Variants in LRRK1 observed in about 807,000 individuals in gnomAD.
LRRK1 encodes leucine rich repeat kinase 1.
Under a neutral mutation model 209.1 loss-of-function variants are expected in LRRK1, and 113 were observed. The ratio of observed to expected loss-of-function variants is 0.54; its 90% CI spans 0.46 to 0.63. LRRK1 has a LOEUF of 0.63. LRRK1 is among the 30% of genes least tolerant of loss of function. LRRK1 has a pLI of 0.00. For missense variants in LRRK1, 2,284 were observed against 2,632.2 expected (o/e 0.87, Z 2.89); for synonymous variants, 1,144 against 1,099.7 (o/e 1.04, Z -0.80).
At chr15:101,004,367 C>A (rs370477004) in intron 6 of LRRK1, among the ~76,000 whole-genome samples, 22 of 152,014 alleles carry the variant, frequency 1.4e-4, no homozygotes, top group African/African-American at 3.9e-4. Context: ...AAAGGTCTTG[C>A]GCAGACTTTG....
rs1183912665 is a variant in LRRK1, at chr15:101,058,159, G to C, written c.4679+18G>C. On this transcript the variant is annotated intron_variant, in intron 29 of 33. Transcript: ENST00000388948. ...GAGTCCAGGTAAGCTCCTGCGGGCT[G>C]CCCTGCCCCCTTTGTATTTGGGGTG... 1 of 1,611,686 alleles carries C rather than the reference G, an allele frequency of 6.2e-7. No individual in the cohort carries two copies. Among genetic ancestry groups the C allele is most frequent in the Non-Finnish European group, 8.5e-7 (1 of 1,178,826 alleles).
chr15:100,926,197 T>C (rs1451234001), intron 2 of LRRK1, among the ~76,000 whole-genome samples: 1 of 152,238 alleles, frequency 6.6e-6, no homozygotes, highest in East Asian at 1.9e-4. Flanking sequence ...TTTCTTTTTC[T>C]TTGTATTAGA....
intron 22 of LRRK1, among the ~76,000 whole-genome samples, chr15:101,049,058 C>T (rs754770263): frequency 6.6e-6 from 1 of 152,172 alleles, no homozygotes; most frequent in Admixed American, 6.5e-5. Flanking sequence ...GACTCCTCAG[C>T]CCCCATCTCC....
At chr15:100,993,404 A>G (rs2032254936) in intron 6 of LRRK1, among the ~76,000 whole-genome samples, 2 of 152,134 alleles carry the variant, frequency 1.3e-5, no homozygotes, top group Non-Finnish European at 2.9e-5. Context: ...ACATATATTT[A>G]TTTCCCACTT....
chr15:100,980,250 G>A (rs767736776), intron 3 of LRRK1, among the ~76,000 whole-genome samples: 7 of 151,200 alleles, frequency 4.6e-5, no homozygotes, highest in East Asian at 1.9e-4. Context: ...CCTGAAACAC[G>A]CAGCAACTCA....
At chr15:100,941,817 T>C (rs1376745921) in intron 2 of LRRK1, among the ~76,000 whole-genome samples, 5 of 151,904 alleles carry the variant, frequency 3.3e-5, no homozygotes, top group African/African-American at 9.7e-5. Flanking sequence ...CCACATCGAG[T>C]GTAGACCCAT....
chr15:101,027,347 G>T lies in LRRK1; in HGVS notation c.2492G>T (p.Ser831Ile). The change falls in exon 18 of 34, where the codon AGC becomes ATC. Residue 831 changes from serine to isoleucine, a missense_variant. Physicochemically the swap from Ser to Ile is moderately radical, Grantham distance 142. Coordinates refer to ENST00000388948, the MANE Select transcript of LRRK1 (RefSeq NM_024652.6). The surrounding 1 kb of genome is among the most constrained non-coding windows in gnomAD (Gnocchi z 5.1). ...ACGTGCAGCATGAAGGACGTGGGCA[G>T]CACCATCGGCTGCCAGCGACTGGCA... is the stretch of plus-strand genomic sequence containing the variant. ...HVTCSMKDVG[S>I]TIGCQRLAGR... The T allele has an allele frequency of 1.2e-6, 2 of 1,613,954 alleles. No homozygotes were observed. The highest frequency in any genetic ancestry group is 1.7e-6 in the Non-Finnish European group (2 of 1,180,014).
At chr15:101,008,760 A>T (rs760713083) in intron 6 of LRRK1, 77 bp from the exon 7 acceptor site, 141 of 1,128,162 alleles carry the variant, frequency 1.2e-4, no homozygotes, top group Non-Finnish European at 1.8e-4. Context: ...ATTTGCATTA[A>T]CCCTTGCTTT....
intron 31 of LRRK1, chr15:101,064,461 T>A (rs1343554850): frequency 6.5e-6 from 1 of 152,886 alleles, no homozygotes; most frequent in African/African-American, 2.4e-5. Context: ...TGTTCCTGGC[T>A]CTGCCCTGGG....
chr15:101,057,132 C>A, intron 28 of LRRK1, 82 bp downstream of exon 28: 1 of 1,271,452 alleles, frequency 7.9e-7, no homozygotes, highest in Non-Finnish European at 1.1e-6. Context: ...GTGTGCCTGG[C>A]TGCCCAACCA....
At chr15:101,054,133 C>T (rs1005683233) in intron 26 of LRRK1, among the ~76,000 whole-genome samples, 3 of 152,182 alleles carry the variant, frequency 2.0e-5, no homozygotes, top group African/African-American at 7.2e-5. Context: ...CCACCACACC[C>T]AGCTAATTTG....
At chr15:101,017,469 G>A (rs1304241234) in intron 12 of LRRK1, among the ~76,000 whole-genome samples, 1 of 152,200 alleles carries the variant, frequency 6.6e-6, no homozygotes, top group Non-Finnish European at 1.5e-5. Flanking sequence ...AAGCGAACCG[G>A]TATTGGTCCC....
intron 26 of LRRK1, among the ~76,000 whole-genome samples, chr15:101,054,078 A>G (rs1255451282): frequency 2.0e-5 from 3 of 152,118 alleles, no homozygotes; most frequent in Non-Finnish European, 4.4e-5. Flanking sequence ...TCCTGAACTC[A>G]AGCCATCCTC....
At chr15:101,008,263 G>A (rs950959555) in intron 6 of LRRK1, among the ~76,000 whole-genome samples, 4 of 151,618 alleles carry the variant, frequency 2.6e-5, no homozygotes, top group African/African-American at 4.8e-5. Flanking sequence ...ACTGTGGGTC[G>A]TGGGCCAGAG....
At chr15:100,963,580 G>T (rs1012351066) in intron 2 of LRRK1, among the ~76,000 whole-genome samples, 1 of 152,262 alleles carries the variant, frequency 6.6e-6, no homozygotes, top group Non-Finnish European at 1.5e-5. Flanking sequence ...CCGCTTGTCT[G>T]CAGAGTTGCT....
At position 101,015,970 on chromosome 15, in the gene LRRK1, C is replaced by G. The variant is rs1463665859; in HGVS notation, c.1609+568C>G. Among the ~76,000 whole-genome samples, 3 of 151,190 alleles carry G rather than the reference C, an allele frequency of 2.0e-5. No individual in the cohort carries two copies. In the East Asian group the frequency reaches 5.9e-4, roughly 30 times the overall value. Reference sequence around the variant, plus strand: ...TGAGATAGTGAAGAGAGAGAGGACTCTGGTCTTTCTTCCTCTTCTTTTTTT... The same window carrying G: ...TGAGATAGTGAAGAGAGAGAGGACTGTGGTCTTTCTTCCTCTTCTTTTTTT... On this transcript the variant is annotated intron_variant, in intron 12 of 33. Coordinates refer to ENST00000388948, the MANE Select transcript of LRRK1 (RefSeq NM_024652.6).
At position 101,076,841 on chromosome 15, in the gene LRRK1, T is replaced by G. The variant is rs2037003928; in HGVS notation, c.*7993T>G. The G allele has an allele frequency of 6.6e-6, 1 of 152,218 alleles. No homozygotes were observed. The highest frequency in any genetic ancestry group is 1.5e-5 in the Non-Finnish European group (1 of 68,034). 9.4% of individuals were successfully genotyped at this position (152,218 alleles called of 1,614,324 possible). A position where few individuals can be genotyped will look rare whatever the true frequency, so the allele number is the denominator to read the frequency against. On this transcript the variant is annotated 3_prime_UTR_variant, in exon 34 of 34. Transcript: ENST00000388948. The stretch of plus-strand genomic sequence containing the variant: ...TAGGTAGACACTTTCACTGGATAGG[T>G]AGAGGCCTTTCCTACAGGGTCTGAG...
chr15:100,966,283 T>G (rs948628026), intron 2 of LRRK1, among the ~76,000 whole-genome samples: 1 of 152,244 alleles, frequency 6.6e-6, no homozygotes, highest in Non-Finnish European at 1.5e-5. Flanking sequence ...CAATTTTTCC[T>G]TTCCTGGTTA....
chr15:100,972,403 T>TGTGTG (rs2030978476), intron 2 of LRRK1, among the ~76,000 whole-genome samples: 1 of 129,054 alleles, frequency 7.7e-6, no homozygotes, highest in African/African-American at 2.9e-5. Flanking sequence ...TGTGTGTGTG[T>TGTGTG]TTTGGTATGT....
Sources: allele counts gnomAD v4.1 joint callset (sites outside exome capture counted in the v4.1 genomes callset), GRCh38; gene constraint gnomAD v4.1.1; non-coding constraint Gnocchi (gnomAD v3.1); transcripts MANE v1.5; gene names NCBI Gene and HGNC (gene_info 2026-07-23, HGNC 2026-07-21).